Variants in RHBDD1 observed in about 807,000 individuals in gnomAD.
RHBDD1 encodes rhomboid domain containing 1.
In RHBDD1, 38 loss-of-function variants were observed where a neutral mutation model predicts 36.3. The ratio of observed to expected loss-of-function variants is 1.05; its 90% confidence interval spans 0.81 to 1.37. The LOEUF is 1.37. RHBDD1 is among the 40% of genes most tolerant of loss of function. The probability of loss-of-function intolerance (pLI) is 0.00; values close to 1 mark genes in which losing one functional copy is unlikely to be tolerated. For missense variants in RHBDD1, 393 were observed against 377.6 expected (o/e 1.04, Z -0.34); for synonymous variants, 151 against 136.5 (o/e 1.11, Z -0.74).
intron 3 of RHBDD1, among the ~76,000 whole-genome samples, chr2:226,840,303 T>A (rs1409864801): frequency 6.6e-6 from 1 of 152,196 alleles, no homozygotes. Flanking sequence ...GCAAGAGACC[T>A]TTGGGATCTA....
intron 3 of RHBDD1, among the ~76,000 whole-genome samples, chr2:226,852,266 A>G (rs2125091113): frequency 6.6e-6 from 1 of 152,278 alleles, no homozygotes; most frequent in African/African-American, 2.4e-5. Flanking sequence ...GTTAATTTAA[A>G]GTTCCGTTTT....
chr2:226,938,097 G>A (rs55743026), intron 8 of RHBDD1, among the ~76,000 whole-genome samples: 69,790 of 151,798 alleles, frequency 0.46, 16,271 homozygotes, highest in African/African-American at 0.53. Flanking sequence ...CAATCTCGCC[G>A]GCAGCTGTTA....
intron 6 of RHBDD1, among the ~76,000 whole-genome samples, chr2:226,907,770 A>G (rs1172612357): frequency 1.3e-5 from 2 of 152,198 alleles, no homozygotes; most frequent in African/African-American, 2.4e-5. Context: ...GCATTTAAGC[A>G]GATCCTCATT....
At chr2:226,977,259 A>G (rs769467442) in intron 8 of RHBDD1, among the ~76,000 whole-genome samples, 1 of 152,064 alleles carries the variant, frequency 6.6e-6, no homozygotes, top group Admixed American at 6.6e-5. Flanking sequence ...TTAGTTTTGC[A>G]TTTAACACAG....
At chr2:226,969,289 A>G (rs574343152) in intron 8 of RHBDD1, among the ~76,000 whole-genome samples, 2 of 151,830 alleles carry the variant, frequency 1.3e-5, no homozygotes, top group Non-Finnish European at 2.9e-5. Flanking sequence ...TCTTGACCTT[A>G]GTTCCTAATG....
chr2:226,830,463 G>A, the RHBDD1 span, among the ~76,000 whole-genome samples: 11 of 152,240 alleles, frequency 7.2e-5, no homozygotes, highest in South Asian at 6.2e-4. Context: ...ATGACCATGT[G>A]GTTTTTGTCC....
At chr2:226,934,958 T>A (rs949083435) in intron 8 of RHBDD1, among the ~76,000 whole-genome samples, 2 of 151,802 alleles carry the variant, frequency 1.3e-5, no homozygotes, top group Non-Finnish European at 2.9e-5. Context: ...GCAGCATGGG[T>A]ACTGGTTGAA....
intron 8 of RHBDD1, among the ~76,000 whole-genome samples, chr2:226,957,288 A>G (rs560975759): frequency 6.6e-6 from 1 of 152,342 alleles, no homozygotes; most frequent in African/African-American, 2.4e-5. Context: ...TAACACTCGA[A>G]AACTCTTAGA....
intron 8 of RHBDD1, among the ~76,000 whole-genome samples, chr2:226,962,478 T>C (rs1351679522): frequency 2.0e-5 from 3 of 152,280 alleles, no homozygotes; most frequent in Non-Finnish European, 4.4e-5. Context: ...AATTTGCTAA[T>C]TATGTTACTC....
At chr2:226,894,899 G>A (rs1946972454) in intron 5 of RHBDD1, among the ~76,000 whole-genome samples, 2 of 152,158 alleles carry the variant, frequency 1.3e-5, no homozygotes, top group South Asian at 2.1e-4. Context: ...GAGGGAGTGT[G>A]GTCACACTGG....
chr2:226,934,012 T>G (rs966483688), intron 8 of RHBDD1, among the ~76,000 whole-genome samples: 1 of 152,072 alleles, frequency 6.6e-6, no homozygotes, highest in African/African-American at 2.4e-5. Flanking sequence ...AATACTGAGT[T>G]TTGAAAAGAC....
chr2:226,899,821 A>G (rs1477928794), intron 5 of RHBDD1, among the ~76,000 whole-genome samples: 1 of 152,236 alleles, frequency 6.6e-6, no homozygotes, highest in Admixed American at 6.5e-5. Flanking sequence ...GAAACATTGT[A>G]TTTTGGCAAG....
chr2:226,806,475 C>G, the RHBDD1 span, among the ~76,000 whole-genome samples: 2 of 152,184 alleles, frequency 1.3e-5, no homozygotes, highest in South Asian at 2.1e-4. Context: ...TCCTAGATTA[C>G]AAATGAAGAC....
At chr2:226,940,258 GATGAAGATGCCAA>G in intron 8 of RHBDD1, among the ~76,000 whole-genome samples, 1 of 152,124 alleles carries the variant, frequency 6.6e-6, no homozygotes, top group Admixed American at 6.5e-5. Context: ...AAGATTTCAT[GATGAAGATGCCAA>G]AAGCAGTTGC....
At chr2:226,803,635 G>A in the RHBDD1 span, among the ~76,000 whole-genome samples, 1 of 152,154 alleles carries the variant, frequency 6.6e-6, no homozygotes, top group African/African-American at 2.4e-5. Flanking sequence ...GAAAAAATAG[G>A]CACAGGGCAA....
At chr2:226,861,335 G>A (rs1176963586) in intron 3 of RHBDD1, among the ~76,000 whole-genome samples, 1 of 152,166 alleles carries the variant, frequency 6.6e-6, no homozygotes, top group Non-Finnish European at 1.5e-5. Context: ...CACAGAAGCA[G>A]GAGCAGTCAA....
intron 2 of RHBDD1, among the ~76,000 whole-genome samples, chr2:226,838,753 G>A (rs1941290859): frequency 6.6e-6 from 1 of 152,134 alleles, no homozygotes; most frequent in African/African-American, 2.4e-5. Flanking sequence ...TGGAGTCAAA[G>A]CTTTCATATT....
At chr2:226,868,809 A>G (rs1047130611) in intron 5 of RHBDD1, among the ~76,000 whole-genome samples, 11 of 152,174 alleles carry the variant, frequency 7.2e-5, no homozygotes, top group Non-Finnish European at 1.5e-4. Context: ...CCACTCATTT[A>G]CAATTGTATT....
At chr2:226,856,454 G>A (rs1943336967) in intron 3 of RHBDD1, among the ~76,000 whole-genome samples, 1 of 152,084 alleles carries the variant, frequency 6.6e-6, no homozygotes, top group South Asian at 2.1e-4. Flanking sequence ...ATTATGCTAA[G>A]AAGTTTTATT....
Sources: gnomAD v4.1 joint callset for allele counts (sites outside exome capture counted in the v4.1 genomes callset) on GRCh38, gnomAD v4.1.1 for gene constraint, MANE v1.5 for transcripts, NCBI Gene and HGNC (gene_info 2026-07-23, HGNC 2026-07-21) for gene names.